CTDSPL: variants seen among roughly 807,000 people sequenced by gnomAD.
CTDSPL encodes CTD small phosphatase-like protein.
In CTDSPL, 8 loss-of-function variants were observed where a neutral mutation model predicts 30.5. The observed-to-expected ratio is 0.26, with a 90% CI of 0.15 to 0.47. The LOEUF (loss-of-function observed/expected upper bound fraction) is 0.47, where lower values mean the gene tolerates loss of function less well. Ranked by LOEUF, CTDSPL falls within the 20% of genes least tolerant of loss-of-function variation. CTDSPL has a pLI of 0.99. For synonymous variants in CTDSPL, 110 were observed against 137.9 expected (o/e 0.80, Z 1.42); for missense variants, 248 against 366.1 (o/e 0.68, Z 2.63).
chr3:37,912,558 G>C (rs1393887648), intron 1 of CTDSPL, among the ~76,000 whole-genome samples: 1 of 152,156 alleles, frequency 6.6e-6, no homozygotes, highest in African/African-American at 2.4e-5. Context: ...CTGTGTGTTG[G>C]GGGGTATGCG....
intron 1 of CTDSPL, among the ~76,000 whole-genome samples, chr3:37,929,004 C>T (rs764386185): frequency 6.6e-6 from 1 of 152,146 alleles, no homozygotes; most frequent in Non-Finnish European, 1.5e-5. Context: ...ATGTGGATAT[C>T]ATTTTGCCAG....
At chr3:37,936,987 G>T (rs1698924324) in intron 1 of CTDSPL, among the ~76,000 whole-genome samples, 2 of 133,656 alleles carry the variant, frequency 1.5e-5, no homozygotes, top group South Asian at 4.9e-4. Context: ...ATCATTAGCA[G>T]TACATTTGGT....
intron 1 of CTDSPL, among the ~76,000 whole-genome samples, chr3:37,929,131 G>T (rs111530558): frequency 0.026 from 4,007 of 152,164 alleles, 78 homozygotes; most frequent in South Asian, 0.095. Context: ...TGTTCCATTG[G>T]TCTATGTGTC....
At chr3:37,869,693 T>G (rs1698051744) in intron 1 of CTDSPL, among the ~76,000 whole-genome samples, 1 of 152,144 alleles carries the variant, frequency 6.6e-6, no homozygotes, top group South Asian at 2.1e-4. Flanking sequence ...GGTCCCAGTC[T>G]TAGGGGGAAA....
At chr3:37,951,276 G>A (rs1699104879) in intron 2 of CTDSPL, among the ~76,000 whole-genome samples, 1 of 152,128 alleles carries the variant, frequency 6.6e-6, no homozygotes, top group Admixed American at 6.5e-5. Flanking sequence ...GCTGAGGCAG[G>A]AGAATGGTGT....
intron 3 of CTDSPL, among the ~76,000 whole-genome samples, chr3:37,958,160 A>G (rs1285798157): frequency 2.0e-5 from 3 of 152,220 alleles, no homozygotes; most frequent in African/African-American, 7.2e-5. Context: ...GGTTGACTCC[A>G]AAGGCTTTGG....
intron 3 of CTDSPL, among the ~76,000 whole-genome samples, chr3:37,960,577 C>CACAA (rs1284511220): frequency 8.9e-6 from 1 of 111,820 alleles, no homozygotes; most frequent in Non-Finnish European, 1.7e-5. Context: ...CACACACACA[C>CACAA]AATTAGCTGG....
intron 1 of CTDSPL, among the ~76,000 whole-genome samples, chr3:37,936,234 A>G (rs747672381): frequency 1.3e-5 from 2 of 152,312 alleles, no homozygotes; most frequent in South Asian, 2.1e-4. Flanking sequence ...TTTCTTTTAT[A>G]GAGTGTCCGG....
At position 37,957,031 on chromosome 3, in the gene CTDSPL, CAA is replaced by C. The variant is rs1266835876; in HGVS notation, c.235-79_235-78del. ...TGGCAGATCATGCAGCTGCTGTGCT[CAA>C]GAGGGCTTTGAAGTTTCTTTTGAGA... On this transcript the variant is annotated intron_variant, in intron 2 of 7. Coordinates refer to ENST00000273179, the MANE Select transcript of CTDSPL (RefSeq NM_001008392.2). 74 of 1,161,650 alleles carry C rather than the reference CAA, an allele frequency of 6.4e-5. 1 individual carries two copies. Among genetic ancestry groups the C allele is most frequent in the South Asian group, 4.3e-4 (33 of 77,216 alleles). The allele number at this position is 1,161,650 out of a possible 1,614,324, so 72.0% of individuals were successfully genotyped here.
chr3:37,913,260 C>T (rs985761841), intron 1 of CTDSPL, among the ~76,000 whole-genome samples: 1 of 152,124 alleles, frequency 6.6e-6, no homozygotes, highest in African/African-American at 2.4e-5. Flanking sequence ...GTGGAGGTTG[C>T]AGTGAGCTGA....
chr3:37,960,535 T>TACACACACACACACAC (rs71288085), intron 3 of CTDSPL, among the ~76,000 whole-genome samples: 1 of 16,288 alleles, frequency 6.1e-5, no homozygotes, highest in Non-Finnish European at 1.0e-4. Context: ...TATATATATA[T>TACACACACACACACAC]ACACACACAC....
intron 1 of CTDSPL, among the ~76,000 whole-genome samples, chr3:37,939,124 A>C (rs1055673210): frequency 2.7e-5 from 4 of 150,130 alleles, no homozygotes; most frequent in Non-Finnish European, 6.0e-5. Context: ...TTTTGTGAGG[A>C]CCGTTGTCTG....
intron 1 of CTDSPL, among the ~76,000 whole-genome samples, chr3:37,870,400 G>A (rs1698059148): frequency 6.6e-6 from 1 of 152,030 alleles, no homozygotes; most frequent in African/African-American, 2.4e-5. Flanking sequence ...AGAATCTGTA[G>A]TGTTATGCCC....
At chr3:37,956,990 A>G (rs1014828187) in intron 2 of CTDSPL, 121 bp from the exon 3 acceptor site, 2 of 837,156 alleles carry the variant, frequency 2.4e-6, no homozygotes, top group South Asian at 3.0e-5. Context: ...ATTAAACACC[A>G]CCAAGGTACA....
chr3:37,936,201 G>C (rs556169758), intron 1 of CTDSPL, among the ~76,000 whole-genome samples: 32 of 152,284 alleles, frequency 2.1e-4, no homozygotes, highest in African/African-American at 6.5e-4. Context: ...ACTGCAGTGG[G>C]AAAATGAGCT....
intron 3 of CTDSPL, among the ~76,000 whole-genome samples, chr3:37,959,328 T>C (rs1438721458): frequency 6.6e-6 from 1 of 152,222 alleles, no homozygotes; most frequent in African/African-American, 2.4e-5. Context: ...TATTGACGGA[T>C]TTGGGATTAA....
chr3:37,874,879 T>C (rs1456151423), intron 1 of CTDSPL, among the ~76,000 whole-genome samples: 1 of 152,186 alleles, frequency 6.6e-6, no homozygotes, highest in Non-Finnish European at 1.5e-5. Context: ...TCTTGGGTAA[T>C]GTTGAAAGAA....
chr3:37,967,179 G>C (rs1204068982), intron 4 of CTDSPL, among the ~76,000 whole-genome samples: 1 of 152,196 alleles, frequency 6.6e-6, no homozygotes, highest in Non-Finnish European at 1.5e-5. Context: ...TACCTGGGAG[G>C]GCCTGAAATC....
In CTDSPL at chr3:37,975,625, C is replaced by T. The variant is rs572867036; in HGVS notation, c.520-84C>T. 378 of 1,241,524 alleles carry T rather than the reference C, an allele frequency of 3.0e-4. No homozygotes were observed. Among genetic ancestry groups the T allele is most frequent in the Middle Eastern group, 5.8e-4 (2 of 3,474 alleles). The allele number at this position is 1,241,524 out of a possible 1,614,324, so 76.9% of individuals were successfully genotyped here. A position where few individuals can be genotyped will look rare whatever the true frequency, so the allele number is the denominator to read the frequency against. On this transcript the variant is annotated intron_variant, in intron 6 of 7. Coordinates refer to ENST00000273179, the MANE Select transcript of CTDSPL (RefSeq NM_001008392.2). This position sits in a 1 kb window ranked among gnomAD's most constrained non-coding sequence, Gnocchi z 4.9. ...AATTATTAAATCCATTTTTAAAAAACGTAATCTGGATCTTGCTGCTGTAGT... is the reference window on the plus strand; with the variant it reads ...AATTATTAAATCCATTTTTAAAAAATGTAATCTGGATCTTGCTGCTGTAGT...
Sources: gnomAD v4.1 joint callset for allele counts (sites outside exome capture counted in the v4.1 genomes callset) on GRCh38, gnomAD v4.1.1 for gene constraint, Gnocchi (gnomAD v3.1) non-coding constraint, MANE v1.5 for transcripts, NCBI Gene and HGNC (gene_info 2026-07-23, HGNC 2026-07-21) for gene names.